ADGRB3: variants seen among roughly 807,000 people sequenced by gnomAD.
ADGRB3 encodes brain-specific angiogenesis inhibitor 3.
In ADGRB3, 37 loss-of-function variants were observed where a neutral mutation model predicts 193.4. The ratio of observed to expected loss-of-function variants is 0.19; its 90% confidence interval spans 0.15 to 0.25. The LOEUF (loss-of-function observed/expected upper bound fraction) is 0.25. ADGRB3 is among the 10% of genes least tolerant of loss of function. The pLI is 1.00. For missense variants in ADGRB3, 1,637 were observed against 1,852.9 expected, an observed-to-expected ratio of 0.88 and a Z score of 2.14; for synonymous variants, 690 against 644.2, an observed-to-expected ratio of 1.07 and a Z score of -1.08.
rs1772673083 is a variant in ADGRB3, at chr6:69,090,452, C to T, written c.2480+14414C>T. 2.6e-5 allele frequency among the ~76,000 whole-genome samples: 4 copies of T among 152,198 alleles called. No homozygotes were observed. In the South Asian group the frequency reaches 8.3e-4, roughly 32 times the overall value. ...ATGTAATGAATTTTCCCAGACTAAT[C>T]AAATAAATAACAACCATAGTGGATG... is the stretch of plus-strand genomic sequence containing the variant. On this transcript the variant is annotated intron_variant, in intron 17 of 31. Transcript: ENST00000370598.
In ADGRB3 at chr6:68,998,717, A is replaced by T. The variant is rs1769467647; in HGVS notation, c.1929+4755A>T. On this transcript the variant is annotated intron_variant, in intron 11 of 31. Coordinates refer to ENST00000370598, the MANE Select transcript of ADGRB3 (RefSeq NM_001704.3). ...ATAGATCAGTAAAAAGAGAAAAAAC[A>T]AAGGAAATAATTTATGACATTATCA... Among the ~76,000 whole-genome samples, 4 of 152,356 alleles carry T rather than the reference A, an allele frequency of 2.6e-5. No individual in the cohort carries two copies. In the South Asian group the frequency reaches 6.2e-4, roughly 24 times the overall value.
chr6:68,854,956 A>C (rs1285077461), intron 3 of ADGRB3, among the ~76,000 whole-genome samples: 1 of 151,480 alleles, frequency 6.6e-6, no homozygotes, highest in Non-Finnish European at 1.5e-5. Flanking sequence ...CTGCCCCAAA[A>C]ACCCATCCCT....
chr6:69,144,397 T>A (rs570681185), intron 17 of ADGRB3, among the ~76,000 whole-genome samples: 3 of 152,136 alleles, frequency 2.0e-5, no homozygotes, highest in Non-Finnish European at 4.4e-5. Context: ...AGATGCCCTT[T>A]ATTTATTTAT....
At chr6:68,835,043 A>G (rs1380199228) in intron 3 of ADGRB3, among the ~76,000 whole-genome samples, 7 of 152,176 alleles carry the variant, frequency 4.6e-5, no homozygotes, top group Non-Finnish European at 8.8e-5. Context: ...AATATTTGAC[A>G]TACACTATTA....
At chr6:69,216,465 C>T (rs1765774621) in intron 17 of ADGRB3, among the ~76,000 whole-genome samples, 1 of 152,106 alleles carries the variant, frequency 6.6e-6, no homozygotes. Context: ...GCCATCGGCC[C>T]AGGAGAAAGG....
chr6:68,916,472 A>T (rs1203233401), intron 3 of ADGRB3, among the ~76,000 whole-genome samples: 1 of 152,178 alleles, frequency 6.6e-6, no homozygotes, highest in Non-Finnish European at 1.5e-5. Context: ...AGTAATGGAC[A>T]GTTAATATTC....
In ADGRB3 at chr6:69,354,427, A is replaced by G. The variant is rs566640630; in HGVS notation, c.3555+99A>G. 50 of 1,032,506 alleles carry G rather than the reference A, an allele frequency of 4.8e-5. No individual in the cohort carries two copies. In the South Asian group the frequency reaches 6.7e-4, roughly 14 times the overall value. 64.0% of individuals were successfully genotyped at this position (1,032,506 alleles called of 1,614,324 possible). ...AAAATAGTGTAAAATTTTCATTTTG[A>G]TTGACTTTGGCTTCAGTTCATTAAT... On this transcript the variant is annotated intron_variant, in intron 27 of 31. Coordinates refer to ENST00000370598, the MANE Select transcript of ADGRB3 (RefSeq NM_001704.3).
chr6:69,158,397 T>G (rs528016797), intron 17 of ADGRB3, among the ~76,000 whole-genome samples: 1 of 149,158 alleles, frequency 6.7e-6, no homozygotes, highest in Admixed American at 6.7e-5. Flanking sequence ...ACATATTACA[T>G]TAAGTATTAA....
chr6:69,260,747 A>G (rs1766906038), intron 20 of ADGRB3, among the ~76,000 whole-genome samples: 1 of 152,116 alleles, frequency 6.6e-6, no homozygotes, highest in Admixed American at 6.5e-5. Context: ...TAGAATTATT[A>G]TTTATATTCT....
At chr6:69,375,993 A>G (rs1226194931) in intron 30 of ADGRB3, among the ~76,000 whole-genome samples, 2 of 151,054 alleles carry the variant, frequency 1.3e-5, no homozygotes, top group African/African-American at 2.4e-5. Flanking sequence ...GTATCCATAT[A>G]CTTGTCATAC....
chr6:68,816,824 CT>C (rs1767639094), intron 3 of ADGRB3, among the ~76,000 whole-genome samples: 2 of 152,028 alleles, frequency 1.3e-5, no homozygotes, highest in African/African-American at 4.8e-5. Context: ...AATCTTTGTG[CT>C]TTTAAAATTC....
At chr6:69,031,297 G>A (rs568260097) in intron 13 of ADGRB3, among the ~76,000 whole-genome samples, 3 of 151,308 alleles carry the variant, frequency 2.0e-5, no homozygotes, top group South Asian at 2.1e-4. Context: ...AAATTTAACC[G>A]GGCGCAGTGG....
intron 8 of ADGRB3, among the ~76,000 whole-genome samples, chr6:68,959,609 G>A (rs1328593078): frequency 6.6e-6 from 1 of 152,060 alleles, no homozygotes; most frequent in Non-Finnish European, 1.5e-5. Context: ...AAGCTGTTAT[G>A]ATGTCTACTG....
chr6:68,760,613 G>T (rs147383863), intron 3 of ADGRB3, among the ~76,000 whole-genome samples: 157 of 152,296 alleles, frequency 1.0e-3, no homozygotes, highest in African/African-American at 3.4e-3. Flanking sequence ...AACAACAAAC[G>T]TAATGTCTAC....
At chr6:69,075,649 GA>G (rs1772206662) in intron 16 of ADGRB3, among the ~76,000 whole-genome samples, 1 of 151,978 alleles carries the variant, frequency 6.6e-6, no homozygotes, top group Admixed American at 6.6e-5. Context: ...TAATCTTAAA[GA>G]AAGTAATCTA....
At chr6:68,883,276 T>C (rs1193051294) in intron 3 of ADGRB3, among the ~76,000 whole-genome samples, 1 of 152,060 alleles carries the variant, frequency 6.6e-6, no homozygotes, top group Admixed American at 6.6e-5. Flanking sequence ...AACGGACCAA[T>C]CAGCGCTCTG....
At chr6:68,949,232 G>A (rs1262171683) in intron 6 of ADGRB3, among the ~76,000 whole-genome samples, 1 of 151,966 alleles carries the variant, frequency 6.6e-6, no homozygotes. Flanking sequence ...CCAGGTTTTT[G>A]CTAGGAAGAA....
At chr6:69,169,962 G>A (rs1361536717) in intron 17 of ADGRB3, among the ~76,000 whole-genome samples, 2 of 152,088 alleles carry the variant, frequency 1.3e-5, no homozygotes, top group African/African-American at 4.8e-5. Context: ...GAGCACTCTT[G>A]GAACCTAACA....
rs1768057438 is a variant in ADGRB3 at position 68,836,950 on chromosome 6, CT to C, written c.758-93607del. Among the ~76,000 whole-genome samples the C allele has an allele frequency of 3.3e-5, 5 of 152,036 alleles. No homozygotes were observed. The South Asian group carries it at 8.3e-4, about 25-fold the overall frequency. On this transcript the variant is annotated intron_variant, in intron 3 of 31. Transcript: ENST00000370598. Reference sequence around the variant, plus strand: ...TTTAAGGTATTAAAAATCCATATGCCTTCAAAAAAGTAACCTGCCTTTTGAG... The same window carrying C: ...TTTAAGGTATTAAAAATCCATATGCCTCAAAAAAGTAACCTGCCTTTTGAG...
Sources: gnomAD v4.1 joint callset for allele counts (sites outside exome capture counted in the v4.1 genomes callset) on GRCh38, gnomAD v4.1.1 for gene constraint, MANE v1.5 for transcripts, NCBI Gene and HGNC (gene_info 2026-07-23, HGNC 2026-07-21) for gene names.